SLAMF1: variants seen among roughly 807,000 people sequenced by gnomAD.
SLAMF1 encodes the protein signaling lymphocytic activation molecule.
A neutral mutation model predicts 35.1 loss-of-function variants in SLAMF1; 18 were observed. The observed-to-expected ratio is 0.51, with a 90% confidence interval of 0.35 to 0.76. SLAMF1 has a LOEUF of 0.76. Ranked by LOEUF, SLAMF1 falls within the 30% of genes least tolerant of loss-of-function variation. The pLI is 0.01. For synonymous variants in SLAMF1, 168 were observed against 157.2 expected, an observed-to-expected ratio of 1.07 and a Z score of -0.51; for missense variants, 392 against 413.0, an observed-to-expected ratio of 0.95 and a Z score of 0.44.
At chr1:160,611,833 A>G (rs915733086) in intron 6 of SLAMF1, among the ~76,000 whole-genome samples, 1 of 152,060 alleles carries the variant, frequency 6.6e-6, no homozygotes. Context: ...CATTTTTACA[A>G]TGCTTCCCTG....
chr1:160,628,820 T>G (rs1180719882), intron 3 of SLAMF1, among the ~76,000 whole-genome samples: 1 of 152,232 alleles, frequency 6.6e-6, no homozygotes, highest in Non-Finnish European at 1.5e-5. Flanking sequence ...CCCACTTGGC[T>G]TATACTTTAC....
intron 3 of SLAMF1, among the ~76,000 whole-genome samples, chr1:160,632,132 T>C (rs532931062): frequency 1.3e-5 from 2 of 152,210 alleles, no homozygotes; most frequent in South Asian, 2.1e-4. Flanking sequence ...TACATTTTGA[T>C]TGTTTAAGCC....
At chr1:160,626,087 A>G (rs1039610067) in intron 3 of SLAMF1, among the ~76,000 whole-genome samples, 1 of 152,186 alleles carries the variant, frequency 6.6e-6, no homozygotes, top group South Asian at 2.1e-4. Context: ...AACTTCCAAT[A>G]CAACAACTGA....
rs1658895757 is a variant in SLAMF1 at position 160,609,994 on chromosome 1, A to G, written c.*754T>C. 1 of 206,216 alleles carries G rather than the reference A, an allele frequency of 4.8e-6. No individual in the cohort carries two copies. Among genetic ancestry groups the G allele is most frequent in the African/African-American group, 2.4e-5 (1 of 42,056 alleles). 12.8% of individuals were successfully genotyped at this position (206,216 alleles called of 1,614,324 possible). On this transcript the variant is annotated 3_prime_UTR_variant, in exon 7 of 7. Coordinates refer to ENST00000302035, the MANE Select transcript of SLAMF1 (RefSeq NM_003037.5). ...TTCCAAGCTCCTTTGTAACAGCACC[A>G]TCAAACATTTGCTACGTTTTTCTTT...
In SLAMF1 at chr1:160,610,080, A is replaced by G; in HGVS notation, c.*668T>C. On this transcript the variant is annotated 3_prime_UTR_variant, in exon 7 of 7. Transcript: ENST00000302035. The stretch of plus-strand genomic sequence containing the variant: ...AAGGCTCTTACATGGTTTCCAGTCC[A>G]CTGTTCAAAACTCAGAGATCTCAAA... 3.1e-6 allele frequency: 1 copy of G among 324,046 alleles called. No homozygotes were observed. The highest frequency in any genetic ancestry group is 2.2e-5 in the African/African-American group (1 of 45,768). 20.1% of individuals were successfully genotyped at this position (324,046 alleles called of 1,614,324 possible).
chr1:160,640,325 C>CATATATATATATATATATATAT (rs56785818), intron 1 of SLAMF1, among the ~76,000 whole-genome samples: 3 of 94,156 alleles, frequency 3.2e-5, no homozygotes, highest in Non-Finnish European at 4.1e-5. Flanking sequence ...TTAGGTTTGT[C>CATATATATATATATATATATAT]ATATATATAT....
chr1:160,616,106 A>C (rs903849311), intron 5 of SLAMF1, among the ~76,000 whole-genome samples: 2 of 152,214 alleles, frequency 1.3e-5, no homozygotes, highest in African/African-American at 2.4e-5. Flanking sequence ...TCTTTATATC[A>C]AAACCCCACT....
chr1:160,622,882 A>G lies in SLAMF1; in HGVS notation c.790+1214T>C, dbSNP rs1352476586. Among the ~76,000 whole-genome samples the G allele has an allele frequency of 2.6e-5, 4 of 152,248 alleles. No homozygotes were observed. The East Asian group carries it at 7.7e-4, about 29-fold the overall frequency. ...CAGGCTGCATTCTGATGATTATAGC[A>G]TTAGAAGCTGCCAATATAATTTCTT... On this transcript the variant is annotated intron_variant, in intron 4 of 6. Transcript: ENST00000302035.
intron 3 of SLAMF1, among the ~76,000 whole-genome samples, chr1:160,631,015 C>A (rs1007004562): frequency 6.6e-6 from 1 of 152,068 alleles, no homozygotes; most frequent in Non-Finnish European, 1.5e-5. Context: ...ACATCCGTCA[C>A]ACTGTCTAAT....
At chr1:160,633,917 T>G (rs1660291449) in intron 3 of SLAMF1, among the ~76,000 whole-genome samples, 1 of 152,210 alleles carries the variant, frequency 6.6e-6, no homozygotes, top group African/African-American at 2.4e-5. Context: ...GTATAACACC[T>G]ATCTGGCAAG....
At chr1:160,619,986 C>T (rs1659520312) in intron 4 of SLAMF1, 137 bp from the exon 5 acceptor site, 1 of 688,244 alleles carries the variant, frequency 1.5e-6, no homozygotes, top group African/African-American at 1.8e-5. Flanking sequence ...AGTCCCAGCC[C>T]CCCTGCACAT....
In SLAMF1 at chr1:160,610,512, G is replaced by GC. The variant is rs1658922242; in HGVS notation, c.*235_*236insG. On this transcript the variant is annotated 3_prime_UTR_variant, in exon 7 of 7. Transcript: ENST00000302035. The stretch of plus-strand genomic sequence containing the variant: ...CACAAAGATGGAACGCTGTTATCAA[G>GC]TAACGCTCTGTTCTGCGCCTGCAGC... 1 of 562,894 alleles carries GC rather than the reference G, an allele frequency of 1.8e-6. No individual in the cohort carries two copies. The highest frequency in any genetic ancestry group is 3.3e-6 in the Non-Finnish European group (1 of 305,708). 34.9% of individuals were successfully genotyped at this position (562,894 alleles called of 1,614,324 possible). A position where few individuals can be genotyped will look rare whatever the true frequency, so the allele number is the denominator to read the frequency against.
chr1:160,619,678 T>C (rs956362718), intron 5 of SLAMF1, 98 bp downstream of exon 5: 14 of 828,538 alleles, frequency 1.7e-5, no homozygotes, highest in Non-Finnish European at 2.3e-5. Context: ...TCCTCTGCTC[T>C]GGATGGAAAA....
intron 3 of SLAMF1, among the ~76,000 whole-genome samples, chr1:160,626,548 T>C (rs549287944): frequency 6.6e-6 from 1 of 152,186 alleles, no homozygotes; most frequent in African/African-American, 2.4e-5. Flanking sequence ...TTTTTAACCT[T>C]AAGGGAACTA....
chr1:160,629,371 A>G (rs1660051210), intron 3 of SLAMF1, among the ~76,000 whole-genome samples: 1 of 152,158 alleles, frequency 6.6e-6, no homozygotes, highest in Admixed American at 6.5e-5. Flanking sequence ...GGGAAGATGA[A>G]AAAGAAAACT....
chr1:160,643,685 T>C lies in SLAMF1; in HGVS notation c.76+3185A>G, dbSNP rs190667609. 3.0e-3 allele frequency among the ~76,000 whole-genome samples: 451 copies of C among 152,358 alleles called. 1 individual carries two copies. The highest frequency in any genetic ancestry group is 9.6e-3 in the African/African-American group (400 of 41,590). The stretch of plus-strand genomic sequence containing the variant: ...AGGGCACATGTGCTGTCTGATACAC[T>C]CACATGTTGTGTAAAGATCAAATCG... On this transcript the variant is annotated intron_variant, in intron 1 of 6. Coordinates refer to ENST00000302035, the MANE Select transcript of SLAMF1 (RefSeq NM_003037.5).
chr1:160,631,246 G>A (rs1224123216), intron 3 of SLAMF1, among the ~76,000 whole-genome samples: 1 of 152,208 alleles, frequency 6.6e-6, no homozygotes, highest in African/African-American at 2.4e-5. Flanking sequence ...CTGGTATACT[G>A]CGCAGGGCAG....
In SLAMF1 at chr1:160,627,344, G is replaced by A. The variant is rs145130207; in HGVS notation, c.701-3159C>T. On this transcript the variant is annotated intron_variant, in intron 3 of 6. Transcript: ENST00000302035. ...ATAGTTGCTAGGTTCTAGGAGGCCA[G>A]AGACCATCTCTTACACTACTTTAAC... Among the ~76,000 whole-genome samples the A allele has an allele frequency of 1.7e-3, 259 of 152,298 alleles. 1 individual carries two copies. The highest frequency in any genetic ancestry group is 5.9e-3 in the African/African-American group (246 of 41,554).
At chr1:160,611,506 G>A (rs1253697763) in intron 6 of SLAMF1, among the ~76,000 whole-genome samples, 2 of 152,206 alleles carry the variant, frequency 1.3e-5, no homozygotes, top group Non-Finnish European at 2.9e-5. Context: ...CTGGATGAGT[G>A]TGTGTGCGGT....
Sources: gnomAD v4.1 joint callset for allele counts (sites outside exome capture counted in the v4.1 genomes callset) on GRCh38, gnomAD v4.1.1 for gene constraint, MANE v1.5 for transcripts, NCBI Gene and HGNC (gene_info 2026-07-23, HGNC 2026-07-21) for gene names.